SLC4A8: variants seen among roughly 807,000 people sequenced by gnomAD.
SLC4A8 encodes electroneutral sodium bicarbonate exchanger 1.
A neutral mutation model predicts 125.0 loss-of-function variants in SLC4A8; 40 were observed. The ratio of observed to expected loss-of-function variants is 0.32; its 90% confidence interval spans 0.25 to 0.42. SLC4A8 has a LOEUF of 0.42. Among genes scored for constraint, SLC4A8 ranks in the 10% least tolerant of loss-of-function variants. The pLI is 1.00. For synonymous variants in SLC4A8, 456 were observed against 476.0 expected (o/e 0.96, Z 0.55); for missense variants, 863 against 1,355.1 (o/e 0.64, Z 5.70).
intron 1 of SLC4A8, among the ~76,000 whole-genome samples, chr12:51,409,624 A>G (rs1196676886): frequency 6.6e-6 from 1 of 152,178 alleles, no homozygotes; most frequent in Non-Finnish European, 1.5e-5. Context: ...ATCATAGTGC[A>G]CTGCAGCCTT....
In SLC4A8 at chr12:51,453,532, C is replaced by A. The variant is rs759645705; in HGVS notation, c.414-7C>A. On this transcript the variant is annotated splice_region_variant and splice_polypyrimidine_tract_variant and intron_variant, in intron 4 of 24. Transcript: ENST00000453097. ...CTTTGGCATCTAGTTATTTGTAATG[C>A]TTTCAGGTGGCTGAAGTTTGAAGAA... The A allele has an allele frequency of 1.9e-6, 3 of 1,613,196 alleles. No individual in the cohort carries two copies.
intron 9 of SLC4A8, 76 bp downstream of exon 9, chr12:51,461,367 T>C (rs1950318553): frequency 1.2e-6 from 1 of 864,228 alleles, no homozygotes; most frequent in Non-Finnish European, 1.9e-6. Context: ...GGCAATATGC[T>C]AGTTATTGGG....
At chr12:51,398,735 G>T (rs566008036) in intron 1 of SLC4A8, among the ~76,000 whole-genome samples, 1 of 152,248 alleles carries the variant, frequency 6.6e-6, no homozygotes, top group South Asian at 2.1e-4. Context: ...TAAAAAAAGA[G>T]AAGTTTCTGT....
intron 9 of SLC4A8, 170 bp downstream of exon 9, chr12:51,461,461 T>C (rs1950321341): frequency 2.1e-6 from 1 of 485,542 alleles, no homozygotes; most frequent in African/African-American, 2.0e-5. Flanking sequence ...GACCAAGCTC[T>C]AGAGGATTTT....
chr12:51,416,211 G>GTTTTTTTT lies in SLC4A8; in HGVS notation c.-111-24483_-111-24476dup, dbSNP rs57565585. Among the ~76,000 whole-genome samples the GTTTTTTTT allele has an allele frequency of 1.1e-3, 90 of 82,410 alleles. 1 individual carries two copies. Among genetic ancestry groups the GTTTTTTTT allele is most frequent in the Middle Eastern group, 0.011 (1 of 92 alleles). The allele number at this position is 82,410 out of a possible 152,430, so 54.1% of individuals were successfully genotyped here. A position where few individuals can be genotyped will look rare whatever the true frequency, so the allele number is the denominator to read the frequency against. ...TTTGCCTGTTTGATGGAGGTCTTTT[G>GTTTTTTTT]TTTTTTTTTTTTTTTTTTTTTGAGA... On this transcript the variant is annotated intron_variant, in intron 1 of 24. Transcript: ENST00000358657.
At chr12:51,459,093 A>G (rs1040379184) in intron 7 of SLC4A8, among the ~76,000 whole-genome samples, 2 of 152,178 alleles carry the variant, frequency 1.3e-5, no homozygotes, top group Non-Finnish European at 2.9e-5. Flanking sequence ...GGCCTTCTGT[A>G]GCAGCAGTGT....
chr12:51,402,847 C>T (rs953687162), intron 1 of SLC4A8, among the ~76,000 whole-genome samples: 6 of 152,284 alleles, frequency 3.9e-5, no homozygotes, highest in Non-Finnish European at 7.3e-5. Context: ...TGGGCAAAGA[C>T]GGGTGTCTTC....
At position 51,462,436 on chromosome 12, in the gene SLC4A8, C is replaced by T. The variant is rs1187171681; in HGVS notation, c.1228C>T (p.Pro410Ser). The stretch of plus-strand genomic sequence containing the variant: ...GGATCCCTCCATTAGAATTGAGCCA[C>T]CCAAAAATGTCCCTTCCCAGGTAAT... ...EWDPSIRIEP[P>S]KNVPSQEKRK... The change falls in exon 10 of 25, where the codon CCC (proline) becomes TCC (serine). Residue 410 changes from proline (P) to serine (S), a missense_variant. Pro to Ser is a moderately conservative substitution (Grantham distance 74, BLOSUM62 -1). Around this residue, in one of 6 missense-constraint regions of SLC4A8, gnomAD observed 390 missense variants for 634.4 expected, o/e 0.61. Transcript: ENST00000453097. The T allele has an allele frequency of 4.4e-6, 7 of 1,576,980 alleles. No homozygotes were observed. Among genetic ancestry groups the T allele is most frequent in the African/African-American group, 1.4e-5 (1 of 72,920 alleles).
intron 1 of SLC4A8, among the ~76,000 whole-genome samples, chr12:51,411,604 C>T (rs1276365741): frequency 1.3e-5 from 2 of 151,378 alleles, no homozygotes; most frequent in African/African-American, 2.4e-5. Flanking sequence ...ACACACAAGT[C>T]TTTTTTAAGT....
intron 2 of SLC4A8, among the ~76,000 whole-genome samples, chr12:51,449,808 G>A (rs1236346033): frequency 1.3e-5 from 2 of 152,168 alleles, no homozygotes; most frequent in Non-Finnish European, 2.9e-5. Flanking sequence ...TCGAGGTGGA[G>A]ACAGTAGGAT....
chr12:51,424,830 C>G (rs896250437), upstream of SLC4A8: 5 of 722,708 alleles, frequency 6.9e-6, no homozygotes, highest in Non-Finnish European at 1.1e-5. Context: ...GCGGATGCCT[C>G]GCGGGCCGGT....
rs907299005 is a variant in SLC4A8 at position 51,441,029 on chromosome 12, G to A, written c.130+240G>A. 1.3e-5 allele frequency: 15 copies of A among 1,164,356 alleles called. No individual in the cohort carries two copies. In the Admixed American group the frequency reaches 2.3e-4, roughly 18 times the overall value. The allele number at this position is 1,164,356 out of a possible 1,614,324, so 72.1% of individuals were successfully genotyped here. On this transcript the variant is annotated intron_variant, in intron 2 of 24. Coordinates refer to ENST00000453097, the MANE Select transcript of SLC4A8 (RefSeq NM_001039960.3). ...ACATGGGAGATAGTGCTTTGAACACGGTGAAGTCCAATATAAATATTAACA... is the reference window on the plus strand; with the variant it reads ...ACATGGGAGATAGTGCTTTGAACACAGTGAAGTCCAATATAAATATTAACA...
intron 8 of SLC4A8, among the ~76,000 whole-genome samples, chr12:51,460,543 A>C (rs1367934417): frequency 6.6e-6 from 1 of 152,260 alleles, no homozygotes; most frequent in Non-Finnish European, 1.5e-5. Flanking sequence ...TTCAAAGGAC[A>C]TAGCAAGGGC....
chr12:51,473,342 G>A (rs1421519465), intron 14 of SLC4A8, among the ~76,000 whole-genome samples: 1 of 152,060 alleles, frequency 6.6e-6, no homozygotes, highest in Non-Finnish European at 1.5e-5. Context: ...TTTGTAATAT[G>A]CATTTAAGGT....
intron 1 of SLC4A8, 122 bp downstream of exon 1, chr12:51,425,157 G>A: frequency 6.9e-7 from 1 of 1,447,964 alleles, no homozygotes; most frequent in South Asian, 1.4e-5. Flanking sequence ...GAGGGCGAGG[G>A]GAGGCCAGCC....
intron 2 of SLC4A8, among the ~76,000 whole-genome samples, chr12:51,447,997 G>A (rs1228397452): frequency 6.6e-6 from 1 of 152,096 alleles, no homozygotes; most frequent in Non-Finnish European, 1.5e-5. Flanking sequence ...GGGACTACAG[G>A]CGTGAGCCAC....
intron 9 of SLC4A8, chr12:51,461,576 G>A (rs958178945): frequency 1.4e-5 from 4 of 277,722 alleles, no homozygotes; most frequent in African/African-American, 8.8e-5. Flanking sequence ...AATATATTAA[G>A]GTTGGCTTAA....
intron 7 of SLC4A8, among the ~76,000 whole-genome samples, chr12:51,459,389 C>T (rs1257500814): frequency 6.6e-6 from 1 of 152,030 alleles, no homozygotes; most frequent in Non-Finnish European, 1.5e-5. Flanking sequence ...GAACCTATAC[C>T]TTAAAAGCTC....
At chr12:51,438,465 C>A (rs1253526744) in intron 1 of SLC4A8, among the ~76,000 whole-genome samples, 1 of 152,180 alleles carries the variant, frequency 6.6e-6, no homozygotes, top group Non-Finnish European at 1.5e-5. Flanking sequence ...AGATTTCATA[C>A]TTTTTATGGC....
Sources: allele counts gnomAD v4.1 joint callset (sites outside exome capture counted in the v4.1 genomes callset), GRCh38; gene constraint gnomAD v4.1.1; regional missense constraint gnomAD v4.1.1; transcripts MANE v1.5; gene names NCBI Gene and HGNC (gene_info 2026-07-23, HGNC 2026-07-21).